MANBA: variants seen among roughly 807,000 people sequenced by gnomAD.
MANBA encodes mannosidase beta.
A neutral mutation model predicts 111.1 loss-of-function variants in MANBA; 83 were observed. The ratio of observed to expected loss-of-function variants is 0.75; its 90% CI spans 0.63 to 0.90. The LOEUF (loss-of-function observed/expected upper bound fraction) is 0.90, where lower values mean the gene tolerates loss of function less well. Ranked by LOEUF, MANBA falls within the 40% of genes least tolerant of loss-of-function variation. The pLI is 0.00. For synonymous variants in MANBA, 370 were observed against 378.7 expected (o/e 0.98, Z 0.27); for missense variants, 1,036 against 1,069.0 (o/e 0.97, Z 0.43).
At chr4:102,714,060 C>T (rs1351928493) in intron 5 of MANBA, among the ~76,000 whole-genome samples, 1 of 152,112 alleles carries the variant, frequency 6.6e-6, no homozygotes, top group African/African-American at 2.4e-5. Flanking sequence ...GACAGAAAGC[C>T]AGTCTAACGG....
At chr4:102,727,526 G>A (rs535846419) in intron 1 of MANBA, 26 of 1,576,922 alleles carry the variant, frequency 1.6e-5, no homozygotes, top group Middle Eastern at 1.7e-4. Context: ...ATGAGGGGCC[G>A]TAGCTGCTGG....
At chr4:102,726,749 CAT>C (rs1281362776) in intron 1 of MANBA, 66 bp from the exon 2 acceptor site, 41 of 833,126 alleles carry the variant, frequency 4.9e-5, no homozygotes, top group Non-Finnish European at 5.4e-5. Flanking sequence ...ATAAAACAAA[CAT>C]AAAATAAATT....
intron 11 of MANBA, 138 bp downstream of exon 11, chr4:102,664,547 T>TA: frequency 1.4e-6 from 1 of 710,818 alleles, no homozygotes; most frequent in Non-Finnish European, 2.4e-6. Flanking sequence ...AGACGGGGTT[T>TA]CACCGTGGTC....
chr4:102,642,375 G>A (rs941687484), intron 13 of MANBA, among the ~76,000 whole-genome samples: 3 of 152,106 alleles, frequency 2.0e-5, no homozygotes, highest in Middle Eastern at 3.2e-3. Context: ...TGGGAGGCTG[G>A]GGTGGGTGAA....
chr4:102,736,550 G>A (rs927862899), intron 1 of MANBA, among the ~76,000 whole-genome samples: 25 of 152,174 alleles, frequency 1.6e-4, no homozygotes, highest in Admixed American at 1.6e-3. Context: ...AGAATTAAAT[G>A]GAGAAAGTTT....
intron 10 of MANBA, chr4:102,665,622 T>C (rs1731183238): frequency 2.0e-5 from 3 of 151,994 alleles, no homozygotes; most frequent in Admixed American, 1.3e-4. Flanking sequence ...TGGCCCTACA[T>C]AAAGACAAAA....
chr4:102,637,912 GCTGT>G (rs1578858862), intron 14 of MANBA, among the ~76,000 whole-genome samples: 1 of 152,190 alleles, frequency 6.6e-6, no homozygotes, highest in African/African-American at 2.4e-5. Context: ...ACTTGCGACT[GCTGT>G]CTAAAGAGGG....
At chr4:102,719,719 C>A (rs1722489954) in intron 4 of MANBA, among the ~76,000 whole-genome samples, 1 of 152,186 alleles carries the variant, frequency 6.6e-6, no homozygotes, top group African/African-American at 2.4e-5. Flanking sequence ...ATCTTCATAT[C>A]AGGGATTAGC....
In MANBA at chr4:102,678,071, AATTT is replaced by A. The variant is rs1229296240; in HGVS notation, c.961-4005_961-4002del. 5.9e-5 allele frequency among the ~76,000 whole-genome samples: 9 copies of A among 152,338 alleles called. No individual in the cohort carries two copies. In the East Asian group the frequency reaches 1.5e-3, roughly 26 times the overall value. On this transcript the variant is annotated intron_variant, in intron 7 of 16. Transcript: ENST00000647097. ...TGAGAATCACTACTGCAGAAAATAG[AATTT>A]ATTTGTTTCTTAATATACATTAATG...
intron 1 of MANBA, chr4:102,729,074 A>G (rs1230596349): frequency 6.4e-6 from 5 of 776,014 alleles, no homozygotes; most frequent in Non-Finnish European, 1.2e-5. Context: ...TTGCCATGCC[A>G]TGTCCTGCTT....
chr4:102,673,818 G>T, intron 8 of MANBA, 101 bp downstream of exon 8: 1 of 1,111,356 alleles, frequency 9.0e-7, no homozygotes, highest in Non-Finnish European at 1.4e-6. Context: ...CTACCTCTTA[G>T]TTCCTTGCCC....
At chr4:102,671,466 AT>A in intron 8 of MANBA, 68 bp from the exon 9 acceptor site, 4 of 903,894 alleles carry the variant, frequency 4.4e-6, no homozygotes, top group Non-Finnish European at 5.4e-6. Context: ...AGATAAACAC[AT>A]TTCTAATCTG....
In MANBA at chr4:102,752,167, T is replaced by C. The variant is rs907622510; in HGVS notation, c.177+8551A>G. ...GTCACAAGGAAGCAATTTCCTCAGTTCTGTGGTCAGATGCTGAAGAAATCT... is the reference window on the plus strand; with the variant it reads ...GTCACAAGGAAGCAATTTCCTCAGTCCTGTGGTCAGATGCTGAAGAAATCT... On this transcript the variant is annotated intron_variant, in intron 1 of 16. Transcript: ENST00000647097. The C allele has an allele frequency of 1.7e-5, 13 of 786,870 alleles. No individual in the cohort carries two copies. In the Admixed American group the frequency reaches 2.2e-4, roughly 13 times the overall value. 48.7% of individuals were successfully genotyped at this position (786,870 alleles called of 1,614,324 possible). A position where few individuals can be genotyped will look rare whatever the true frequency, so the allele number is the denominator to read the frequency against.
chr4:102,703,510 T>C (rs1016619720), intron 5 of MANBA, among the ~76,000 whole-genome samples: 22 of 152,324 alleles, frequency 1.4e-4, no homozygotes, highest in African/African-American at 5.3e-4. Context: ...AATTACAGTT[T>C]AGGGGTCATG....
At chr4:102,652,628 C>T (rs1412990027) in intron 12 of MANBA, among the ~76,000 whole-genome samples, 2 of 152,148 alleles carry the variant, frequency 1.3e-5, no homozygotes, top group Admixed American at 6.5e-5. Flanking sequence ...CAGTGTTTCA[C>T]ACCTGTAATC....
At chr4:102,723,174 G>C in intron 3 of MANBA, 133 bp from the exon 4 acceptor site, 5 of 793,024 alleles carry the variant, frequency 6.3e-6, no homozygotes, top group African/African-American at 1.7e-5. Flanking sequence ...TTGCAGGAGG[G>C]AACACTTCTC....
At chr4:102,702,477 T>G in intron 5 of MANBA, among the ~76,000 whole-genome samples, 1 of 152,094 alleles carries the variant, frequency 6.6e-6, no homozygotes. Context: ...TTTTTCCCAA[T>G]CTTTGCGGTT....
chr4:102,675,163 T>C (rs543247876), intron 7 of MANBA, among the ~76,000 whole-genome samples: 131 of 152,310 alleles, frequency 8.6e-4, no homozygotes, highest in African/African-American at 2.8e-3. Context: ...GAACAGTGCA[T>C]GGTTCTTTAA....
Position 102,635,053 on chromosome 4 carries a change from G to A in MANBA, c.2158-8C>T, listed in dbSNP as rs770698295. The A allele has an allele frequency of 2.0e-5, 33 of 1,613,738 alleles. No homozygotes were observed. In the Admixed American group the frequency reaches 2.7e-4, roughly 13 times the overall value. On this transcript the variant is annotated splice_polypyrimidine_tract_variant and splice_region_variant and intron_variant, in intron 15 of 16. Coordinates refer to ENST00000647097, the MANE Select transcript of MANBA (RefSeq NM_005908.4). ...CCATGTATGGACTCTCACCTGGGGA[G>A]AAATAAAACAGAATAAAAACAGGCA...
Sources: allele counts gnomAD v4.1 joint callset (sites outside exome capture counted in the v4.1 genomes callset), GRCh38; gene constraint gnomAD v4.1.1; transcripts MANE v1.5; gene names NCBI Gene and HGNC (gene_info 2026-07-23, HGNC 2026-07-21).